PIWIL1: variants seen among roughly 807,000 people sequenced by gnomAD.
The protein encoded by PIWIL1 is piwi-like protein 1.
PIWIL1 carries 73 observed loss-of-function variants against 114.4 expected under a neutral mutation model. That is an observed-to-expected ratio of 0.64 (90% CI 0.53 to 0.78). The LOEUF (loss-of-function observed/expected upper bound fraction) is 0.78. Among genes scored for constraint, PIWIL1 ranks in the 30% least tolerant of loss-of-function variants. The probability of loss-of-function intolerance (pLI) is 0.00; values close to 1 mark genes in which losing one functional copy is unlikely to be tolerated. For missense variants in PIWIL1, 723 were observed against 1,063.1 expected, an observed-to-expected ratio of 0.68 and a Z score of 4.45; for synonymous variants, 375 against 369.0, an observed-to-expected ratio of 1.02 and a Z score of -0.19.
At chr12:130,357,727 G>A (rs1304128043) in intron 14 of PIWIL1, among the ~76,000 whole-genome samples, 174 bp downstream of exon 14, 1 of 152,160 alleles carries the variant, frequency 6.6e-6, no homozygotes, top group Non-Finnish European at 1.5e-5. Flanking sequence ...CTTTAGTTGT[G>A]CACCTAGGAG....
chr12:130,408,332 G>A, the PIWIL1 span, among the ~76,000 whole-genome samples: 1 of 152,238 alleles, frequency 6.6e-6, no homozygotes, highest in Non-Finnish European at 1.5e-5. Flanking sequence ...CTCAGGAGAA[G>A]CACGAACATA....
intron 16 of PIWIL1, among the ~76,000 whole-genome samples, chr12:130,362,064 T>TA (rs376999903): frequency 6.6e-6 from 1 of 152,346 alleles, no homozygotes; most frequent in African/African-American, 2.4e-5. Context: ...AATGGATATA[T>TA]TTCAAGGTCT....
chr12:130,367,871 C>T (rs1239938385), intron 19 of PIWIL1, among the ~76,000 whole-genome samples: 1 of 152,192 alleles, frequency 6.6e-6, no homozygotes, highest in Non-Finnish European at 1.5e-5. Flanking sequence ...AATCTCGGCT[C>T]GCTGTAACCT....
chr12:130,342,396 A>G, intron 1 of PIWIL1, 184 bp from the exon 2 acceptor site: 3 of 603,634 alleles, frequency 5.0e-6, no homozygotes, highest in Middle Eastern at 4.4e-4. Context: ...AAGGTAAGCA[A>G]CTGAGTTTGT....
the PIWIL1 span, chr12:130,414,414 T>A: frequency 9.2e-7 from 1 of 1,081,162 alleles, no homozygotes; most frequent in East Asian, 2.4e-5. Flanking sequence ...GTTCCTTGAC[T>A]TTTGTCTTTT....
At chr12:130,407,918 A>G in the PIWIL1 span, 15 of 1,181,246 alleles carry the variant, frequency 1.3e-5, no homozygotes, top group Non-Finnish European at 1.9e-5. Flanking sequence ...CACATGGCCA[A>G]TACAGCCGAG....
intron 9 of PIWIL1, 151 bp from the exon 10 acceptor site, chr12:130,354,386 A>T (rs2073303107): frequency 1.1e-6 from 1 of 904,894 alleles, no homozygotes; most frequent in East Asian, 2.4e-5. Flanking sequence ...TGTTAAAAAA[A>T]ATGCCTTTTT....
chr12:130,401,978 C>G, the PIWIL1 span, among the ~76,000 whole-genome samples: 129 of 152,332 alleles, frequency 8.5e-4, 4 homozygotes, highest in South Asian at 0.025. Context: ...AGAGCCAGGC[C>G]TCCAGGCCAG....
chr12:130,420,120 G>A, the PIWIL1 span, among the ~76,000 whole-genome samples: 3 of 152,236 alleles, frequency 2.0e-5, no homozygotes, highest in Admixed American at 1.3e-4. This position sits in a 1 kb window ranked among gnomAD's most constrained non-coding sequence, Gnocchi z 4.3. Context: ...ACAACTAGAG[G>A]AATATCCTGT....
At chr12:130,392,451 C>T in the PIWIL1 span, among the ~76,000 whole-genome samples, 141 of 95,564 alleles carry the variant, frequency 1.5e-3, no homozygotes, top group Middle Eastern at 8.6e-3. Context: ...CTGTCAGTTA[C>T]CTGGTGAATA....
chr12:130,421,353 T>G, the PIWIL1 span, among the ~76,000 whole-genome samples: 1 of 152,244 alleles, frequency 6.6e-6, no homozygotes, highest in Non-Finnish European at 1.5e-5. Flanking sequence ...CCTAAGGATC[T>G]TTAACATTGC....
At chr12:130,419,747 T>C in the PIWIL1 span, 2 of 152,184 alleles carry the variant, frequency 1.3e-5, no homozygotes, top group African/African-American at 2.4e-5. This position sits in a 1 kb window ranked among gnomAD's most constrained non-coding sequence, Gnocchi z 4.3. Context: ...AAGAACAGAA[T>C]CCTCTTGAAC....
At chr12:130,339,224 C>T (rs1056789121) in intron 1 of PIWIL1, among the ~76,000 whole-genome samples, 5 of 152,036 alleles carry the variant, frequency 3.3e-5, no homozygotes, top group African/African-American at 9.7e-5. Flanking sequence ...CGGGTGCTGG[C>T]GGCCCGGCCC....
the PIWIL1 span, among the ~76,000 whole-genome samples, chr12:130,378,204 T>C: frequency 2.6e-5 from 4 of 152,330 alleles, no homozygotes; most frequent in Non-Finnish European, 5.9e-5. Context: ...AGCAGTGACC[T>C]GCCTCTGGAA....
At chr12:130,385,366 T>C in the PIWIL1 span, among the ~76,000 whole-genome samples, 1 of 152,220 alleles carries the variant, frequency 6.6e-6, no homozygotes, top group Non-Finnish European at 1.5e-5. Context: ...TTTCATAACA[T>C]CCTTACGTGG....
chr12:130,399,038 C>G, the PIWIL1 span: 23 of 685,742 alleles, frequency 3.4e-5, no homozygotes, highest in African/African-American at 2.6e-4. Flanking sequence ...CACAATGAAG[C>G]CTTAAGTCTA....
At chr12:130,367,077 G>T in intron 18 of PIWIL1, 56 bp from the exon 19 acceptor site, 1 of 1,600,722 alleles carries the variant, frequency 6.2e-7, no homozygotes, top group Non-Finnish European at 8.5e-7. Flanking sequence ...CTGAATGAAT[G>T]AGTGCCCTGA....
the PIWIL1 span, among the ~76,000 whole-genome samples, chr12:130,403,019 C>T: frequency 3.9e-5 from 6 of 152,118 alleles, no homozygotes; most frequent in African/African-American, 1.4e-4. Flanking sequence ...AGGAGTCCCT[C>T]GGGGGTCCCT....
At chr12:130,403,525 T>C in the PIWIL1 span, among the ~76,000 whole-genome samples, 1 of 152,230 alleles carries the variant, frequency 6.6e-6, no homozygotes, top group African/African-American at 2.4e-5. Context: ...ATATGTAGAT[T>C]GTTAAAAACT....
Sources: gnomAD v4.1 joint callset for allele counts (sites outside exome capture counted in the v4.1 genomes callset) on GRCh38, gnomAD v4.1.1 for gene constraint, Gnocchi (gnomAD v3.1) non-coding constraint, MANE v1.5 for transcripts, NCBI Gene and HGNC (gene_info 2026-07-23, HGNC 2026-07-21) for gene names.